DENND1A: variants seen among roughly 807,000 people sequenced by gnomAD.
DENND1A encodes DENN domain containing 1A, also known as DENN domain-containing protein 1A.
A neutral mutation model predicts 113.7 loss-of-function variants in DENND1A; 51 were observed. That is an observed-to-expected ratio of 0.45 (90% CI 0.36 to 0.57). The LOEUF (loss-of-function observed/expected upper bound fraction) is 0.57. Among genes scored for constraint, DENND1A ranks in the 20% least tolerant of loss-of-function variants. The probability of loss-of-function intolerance (pLI) is 0.00; values close to 1 mark genes in which losing one functional copy is unlikely to be tolerated. For missense variants in DENND1A, 1,258 were observed against 1,395.9 expected (o/e 0.90, Z 1.57); for synonymous variants, 565 against 570.8 (o/e 0.99, Z 0.14).
At chr9:123,895,368 C>A (rs1317129373) in intron 1 of DENND1A, among the ~76,000 whole-genome samples, 2 of 152,056 alleles carry the variant, frequency 1.3e-5, no homozygotes, top group African/African-American at 4.8e-5. Context: ...CACCTGTAAT[C>A]CCAGCACTAT....
intron 3 of DENND1A, among the ~76,000 whole-genome samples, chr9:123,789,411 G>A (rs1187902722): frequency 6.6e-6 from 1 of 152,050 alleles, no homozygotes; most frequent in African/African-American, 2.4e-5. Flanking sequence ...AAATAATGAG[G>A]GGAAAACATT....
intron 18 of DENND1A, 66 bp downstream of exon 18, chr9:123,450,627 A>G: frequency 7.3e-7 from 1 of 1,366,922 alleles, no homozygotes. Flanking sequence ...TGATCCCCTC[A>G]TACTTTTTTG....
chr9:123,413,239 G>A, intron 19 of DENND1A: 1 of 281,768 alleles, frequency 3.5e-6, no homozygotes, highest in Non-Finnish European at 5.4e-6. Flanking sequence ...CAGAGACTCG[G>A]CACGAGGAAA....
intron 23 of DENND1A, among the ~76,000 whole-genome samples, chr9:123,383,285 A>G (rs1017831649): frequency 2.0e-5 from 3 of 152,226 alleles, no homozygotes; most frequent in Admixed American, 2.0e-4. Flanking sequence ...AGAGCCAAGA[A>G]CTTGCATCCA....
chr9:123,491,977 C>G (rs568196112), intron 13 of DENND1A: 2 of 152,356 alleles, frequency 1.3e-5, no homozygotes, highest in Admixed American at 1.3e-4. Context: ...TCTAAAGAAA[C>G]AGCTGGAAGA....
intron 2 of DENND1A, among the ~76,000 whole-genome samples, chr9:123,863,044 C>A (rs1845278935): frequency 6.6e-6 from 1 of 152,072 alleles, no homozygotes; most frequent in Non-Finnish European, 1.5e-5. Context: ...AGTATTTGGT[C>A]TTTTTTATAG....
intron 15 of DENND1A, among the ~76,000 whole-genome samples, chr9:123,455,530 T>A (rs997860140): frequency 1.3e-5 from 2 of 152,218 alleles, no homozygotes; most frequent in Admixed American, 1.3e-4. Flanking sequence ...AGATGTGATG[T>A]CCTCTGGAGG....
Position 123,383,547 on chromosome 9 carries a change from G to A in DENND1A, c.2019+108C>T, listed in dbSNP as rs992807390. On this transcript the variant is annotated intron_variant, in intron 23 of 23. Transcript: ENST00000394215. ...CCCTGAGCATTGGCTGAGGGTCTTGGAAAGTCACTGTTTCTCCCTTAGTCT... is the reference window on the plus strand; with the variant it reads ...CCCTGAGCATTGGCTGAGGGTCTTGAAAAGTCACTGTTTCTCCCTTAGTCT... 8 of 1,500,624 alleles carry A rather than the reference G, an allele frequency of 5.3e-6. No homozygotes were observed. The Admixed American group carries it at 9.9e-5, about 19-fold the overall frequency. The allele number at this position is 1,500,624 out of a possible 1,614,324, so 93.0% of individuals were successfully genotyped here. A position where few individuals can be genotyped will look rare whatever the true frequency, so the allele number is the denominator to read the frequency against.
At chr9:123,609,922 T>C (rs1453575538) in intron 10 of DENND1A, among the ~76,000 whole-genome samples, 3 of 152,216 alleles carry the variant, frequency 2.0e-5, no homozygotes, top group Non-Finnish European at 4.4e-5. Context: ...ATGAAGGGCA[T>C]AATGTGTTTC....
In DENND1A at chr9:123,828,034, T is replaced by A. The variant is rs534097491; in HGVS notation, c.89-35404A>T. Among the ~76,000 whole-genome samples, 3 of 151,744 alleles carry A rather than the reference T, an allele frequency of 2.0e-5. No homozygotes were observed. The South Asian group carries it at 6.2e-4, about 32-fold the overall frequency. ...GACAAAAGAAAGGTGACAACAGAGA[T>A]TCAAAGCAATAGAAACAGACCCAGA... On this transcript the variant is annotated intron_variant, in intron 2 of 23. Transcript: ENST00000394215.
At chr9:123,841,483 C>CAT (rs1841825640) in intron 2 of DENND1A, among the ~76,000 whole-genome samples, 1 of 152,140 alleles carries the variant, frequency 6.6e-6, no homozygotes, top group South Asian at 2.1e-4. Flanking sequence ...GAGATCTGGT[C>CAT]ATACAGTGGT....
intron 2 of DENND1A, among the ~76,000 whole-genome samples, chr9:123,855,841 C>G (rs1202992444): frequency 6.6e-6 from 1 of 152,010 alleles, no homozygotes; most frequent in African/African-American, 2.4e-5. Flanking sequence ...AGTTCAAGAC[C>G]AGCCTGACCA....
At chr9:123,401,779 T>C in intron 21 of DENND1A, 8 of 1,614,158 alleles carry the variant, frequency 5.0e-6, no homozygotes, top group Non-Finnish European at 5.9e-6. Context: ...AGTCAGCCCC[T>C]CTGCCCAGTC....
At chr9:123,613,145 C>T (rs1370116434) in intron 10 of DENND1A, among the ~76,000 whole-genome samples, 1 of 152,216 alleles carries the variant, frequency 6.6e-6, no homozygotes, top group African/African-American at 2.4e-5. Flanking sequence ...GGATACTCCA[C>T]TGAGTTCAGG....
intron 5 of DENND1A, among the ~76,000 whole-genome samples, chr9:123,680,286 C>T (rs2064358818): frequency 6.6e-6 from 1 of 152,180 alleles, no homozygotes; most frequent in Non-Finnish European, 1.5e-5. Flanking sequence ...CACTCCCAGG[C>T]CTGAGAGTCA....
chr9:123,766,294 G>A (rs1353320838), intron 4 of DENND1A, among the ~76,000 whole-genome samples: 2 of 152,206 alleles, frequency 1.3e-5, no homozygotes, highest in East Asian at 3.9e-4. Flanking sequence ...ACTATCCTTT[G>A]GGTCGATCCT....
At chr9:123,546,392 C>CA (rs374250565) in intron 13 of DENND1A, among the ~76,000 whole-genome samples, 25,182 of 147,760 alleles carry the variant, frequency 0.17, 2,164 homozygotes, top group Admixed American at 0.21. Context: ...ACTAAAAATA[C>CA]AAAAAAAAAA....
At chr9:123,924,528 G>A (rs1856767078) in intron 1 of DENND1A, among the ~76,000 whole-genome samples, 1 of 151,982 alleles carries the variant, frequency 6.6e-6, no homozygotes, top group South Asian at 2.1e-4. Flanking sequence ...GCGGGCACCT[G>A]CAGTCCCAGC....
intron 11 of DENND1A, among the ~76,000 whole-genome samples, chr9:123,588,822 C>T (rs1189171514): frequency 6.7e-6 from 1 of 149,792 alleles, no homozygotes; most frequent in African/African-American, 2.5e-5. Flanking sequence ...GGCTGGAGTG[C>T]AGTGGCATGA....
Sources: allele counts gnomAD v4.1 joint callset (sites outside exome capture counted in the v4.1 genomes callset), GRCh38; gene constraint gnomAD v4.1.1; transcripts MANE v1.5; gene names NCBI Gene and HGNC (gene_info 2026-07-23, HGNC 2026-07-21).